KLHDC1: variants seen among roughly 807,000 people sequenced by gnomAD.
KLHDC1 encodes kelch domain-containing protein 1.
A neutral mutation model predicts 68.3 loss-of-function variants in KLHDC1; 53 were observed. The ratio of observed to expected loss-of-function variants is 0.78; its 90% CI spans 0.62 to 0.98. The LOEUF is 0.98. KLHDC1 is among the 50% of genes least tolerant of loss of function. The pLI is 0.00. For synonymous variants in KLHDC1, 148 were observed against 159.0 expected, an observed-to-expected ratio of 0.93 and a Z score of 0.52; for missense variants, 470 against 492.3, an observed-to-expected ratio of 0.95 and a Z score of 0.43.
At position 49,702,004 on chromosome 14, in the gene KLHDC1, A is replaced by C. The variant is rs1241759526; in HGVS notation, c.97-7155A>C. ...ACCAACATGGAGAAACCTCGTCTCT[A>C]CTAAAAATACAAACGTAACTGGGCA... On this transcript the variant is annotated intron_variant, in intron 1 of 12. Coordinates refer to ENST00000359332, the MANE Select transcript of KLHDC1 (RefSeq NM_172193.3). Among the ~76,000 whole-genome samples, 6 of 152,218 alleles carry C rather than the reference A, an allele frequency of 3.9e-5. No individual in the cohort carries two copies. In the East Asian group the frequency reaches 1.2e-3, roughly 29 times the overall value.
chr14:49,722,206 C>T (rs1888545018), intron 4 of KLHDC1, among the ~76,000 whole-genome samples: 1 of 152,120 alleles, frequency 6.6e-6, no homozygotes. Context: ...TATACATGTG[C>T]CATGTTGGTA....
At chr14:49,693,414 C>G in intron 1 of KLHDC1, 124 bp downstream of exon 1, 1 of 523,614 alleles carries the variant, frequency 1.9e-6, no homozygotes, top group Non-Finnish European at 3.0e-6. Flanking sequence ...GCGCCTGCAG[C>G]CCCCCAGCCC....
At chr14:49,748,606 G>A (rs942097711) in intron 12 of KLHDC1, among the ~76,000 whole-genome samples, 1 of 151,740 alleles carries the variant, frequency 6.6e-6, no homozygotes. Flanking sequence ...AATATTATAA[G>A]AAATTAAAAG....
chr14:49,705,139 G>T (rs1006659474), intron 1 of KLHDC1, among the ~76,000 whole-genome samples: 10 of 152,094 alleles, frequency 6.6e-5, no homozygotes, highest in Non-Finnish European at 1.0e-4. Context: ...AGTACTATAA[G>T]AGAGAAAAGA....
intron 4 of KLHDC1, among the ~76,000 whole-genome samples, chr14:49,711,026 A>T (rs1204823988): frequency 6.6e-6 from 1 of 152,132 alleles, no homozygotes; most frequent in South Asian, 2.1e-4. Context: ...ATGGAGTCTC[A>T]CTGTTGCTCA....
intron 4 of KLHDC1, 30 bp downstream of exon 4, chr14:49,710,411 T>C: frequency 9.0e-7 from 1 of 1,107,144 alleles, no homozygotes; most frequent in Non-Finnish European, 1.4e-6. Flanking sequence ...TAATGCATTA[T>C]GTCTACCTAA....
chr14:49,721,444 G>A (rs556008222), intron 4 of KLHDC1, among the ~76,000 whole-genome samples: 2 of 152,040 alleles, frequency 1.3e-5, no homozygotes, highest in Non-Finnish European at 2.9e-5. Context: ...CAGCCTCCCT[G>A]TAGTTTTTAA....
chr14:49,719,400 T>TTTTATTTATTTA (rs146638829), intron 4 of KLHDC1, among the ~76,000 whole-genome samples: 1 of 150,766 alleles, frequency 6.6e-6, no homozygotes, highest in East Asian at 1.9e-4. Flanking sequence ...ACTTTACAGG[T>TTTTATTTATTTA]TTTATTTATT....
At chr14:49,722,049 T>C (rs533014416) in intron 4 of KLHDC1, among the ~76,000 whole-genome samples, 2 of 152,362 alleles carry the variant, frequency 1.3e-5, no homozygotes, top group South Asian at 4.1e-4. Flanking sequence ...TGTTGGTGAC[T>C]GACCCTGATC....
At chr14:49,693,748 C>CTTTTCTTTTTTTTTTTTTTTTTTTTTTT (rs1887645359) in intron 1 of KLHDC1, among the ~76,000 whole-genome samples, 3 of 61,564 alleles carry the variant, frequency 4.9e-5, no homozygotes, top group East Asian at 7.5e-4. Context: ...TTTTCTTTTT[C>CTTTTCTTTTTTTTTTTTTTTTTTTTTTT]TTTTTTTTTT....
intron 12 of KLHDC1, among the ~76,000 whole-genome samples, chr14:49,748,457 C>T (rs1305696753): frequency 1.3e-5 from 2 of 151,582 alleles, no homozygotes; most frequent in Non-Finnish European, 2.9e-5. Flanking sequence ...GCTGGTGTTC[C>T]AAAAAGCAAA....
intron 4 of KLHDC1, among the ~76,000 whole-genome samples, chr14:49,713,825 TATATATATATATA>T (rs1566602824): frequency 4.0e-3 from 14 of 3,532 alleles, no homozygotes; most frequent in African/African-American, 5.8e-3. Flanking sequence ...TATATATATA[TATATATATATATA>T]TATATATATA....
chr14:49,705,426 T>C (rs1207517674), intron 1 of KLHDC1, among the ~76,000 whole-genome samples: 2 of 123,250 alleles, frequency 1.6e-5, no homozygotes, highest in Non-Finnish European at 3.2e-5. Flanking sequence ...TGGAGTACAG[T>C]GGCATGATCT....
At chr14:49,745,767 G>C (rs1303980534) in intron 12 of KLHDC1, among the ~76,000 whole-genome samples, 2 of 152,302 alleles carry the variant, frequency 1.3e-5, no homozygotes, top group African/African-American at 4.8e-5. Flanking sequence ...TGTAGTATGA[G>C]GCAGAGAGTT....
At chr14:49,694,483 G>C (rs566054796) in intron 1 of KLHDC1, among the ~76,000 whole-genome samples, 2 of 152,030 alleles carry the variant, frequency 1.3e-5, no homozygotes, top group South Asian at 2.1e-4. Flanking sequence ...GAATTTTTTT[G>C]GTATCTCAGT....
chr14:49,699,527 G>A (rs934973769), intron 1 of KLHDC1, among the ~76,000 whole-genome samples: 3 of 152,084 alleles, frequency 2.0e-5, no homozygotes, highest in Non-Finnish European at 4.4e-5. Flanking sequence ...AAGGCCCTGG[G>A]ATCTGGTGGT....
intron 4 of KLHDC1, among the ~76,000 whole-genome samples, chr14:49,713,315 C>T (rs1888258469): frequency 6.6e-6 from 1 of 152,116 alleles, no homozygotes; most frequent in Non-Finnish European, 1.5e-5. Context: ...TGTATGTTAG[C>T]AAGCACCGAT....
chr14:49,725,609 G>C (rs1888650585), intron 5 of KLHDC1, 77 bp from the exon 6 acceptor site: 2 of 816,952 alleles, frequency 2.4e-6, no homozygotes, highest in African/African-American at 1.8e-5. Flanking sequence ...TATTTTACCA[G>C]TAAATATGTG....
chr14:49,726,860 A>T (rs892887734), intron 6 of KLHDC1, among the ~76,000 whole-genome samples: 1 of 152,172 alleles, frequency 6.6e-6, no homozygotes, highest in African/African-American at 2.4e-5. Context: ...CATTCCGTCT[A>T]TGGCAGACAC....
Sources: allele counts gnomAD v4.1 joint callset (sites outside exome capture counted in the v4.1 genomes callset), GRCh38; gene constraint gnomAD v4.1.1; transcripts MANE v1.5; gene names NCBI Gene and HGNC (gene_info 2026-07-23, HGNC 2026-07-21).